MYO18B: variants seen among roughly 807,000 people sequenced by gnomAD.
The protein encoded by MYO18B is unconventional myosin-XVIIIb.
A neutral mutation model predicts 273.0 loss-of-function variants in MYO18B; 204 were observed. The observed-to-expected ratio is 0.75, with a 90% CI of 0.67 to 0.84. MYO18B has a LOEUF of 0.84. Among genes scored for constraint, MYO18B ranks in the 40% least tolerant of loss-of-function variants. The pLI is 0.00. For synonymous variants in MYO18B, 1,330 were observed against 1,305.7 expected, an observed-to-expected ratio of 1.02 and a Z score of -0.40; for missense variants, 3,212 against 3,287.6, an observed-to-expected ratio of 0.98 and a Z score of 0.56.
intron 22 of MYO18B, 90 bp from the exon 23 acceptor site, chr22:25,874,196 A>G: frequency 6.6e-7 from 1 of 1,505,530 alleles, no homozygotes; most frequent in African/African-American, 1.4e-5. Flanking sequence ...AGGTGGGTGC[A>G]AGAGAAGTGG....
At chr22:26,003,531 C>A (rs1026556207) in intron 41 of MYO18B, among the ~76,000 whole-genome samples, 1 of 152,194 alleles carries the variant, frequency 6.6e-6, no homozygotes, top group East Asian at 1.9e-4. Context: ...TGCTACTGTC[C>A]TCAGACACCT....
At chr22:26,038,005 A>C in the MYO18B span, among the ~76,000 whole-genome samples, 1 of 152,216 alleles carries the variant, frequency 6.6e-6, no homozygotes, top group African/African-American at 2.4e-5. Flanking sequence ...CCCAGCTGGT[A>C]CAAGTACATT....
chr22:25,961,428 GT>G (rs1482068936), intron 39 of MYO18B, among the ~76,000 whole-genome samples: 1 of 152,132 alleles, frequency 6.6e-6, no homozygotes, highest in Non-Finnish European at 1.5e-5. Context: ...GACTGCTGTA[GT>G]TTGAATGTTT....
intron 24 of MYO18B, chr22:25,876,760 A>G (rs1372618225): frequency 6.6e-6 from 1 of 152,588 alleles, no homozygotes; most frequent in Non-Finnish European, 1.5e-5. Flanking sequence ...TTTTGTTGTT[A>G]TTATTTTGCA....
At chr22:25,760,434 A>ACAAAAAAAC (rs1555883283) in intron 1 of MYO18B, among the ~76,000 whole-genome samples, 1 of 111,530 alleles carries the variant, frequency 9.0e-6, no homozygotes, top group Non-Finnish European at 1.8e-5. Flanking sequence ...AAAAAAAAAA[A>ACAAAAAAAC]CACAAAAACA....
chr22:26,019,181 A>G (rs1935612400), intron 42 of MYO18B, among the ~76,000 whole-genome samples: 1 of 152,186 alleles, frequency 6.6e-6, no homozygotes, highest in South Asian at 2.1e-4. Context: ...CATTATAGGT[A>G]GACAGACCAG....
chr22:25,768,393 G>A lies in MYO18B; in HGVS notation c.477G>A (p.Lys159=). 1.2e-6 allele frequency: 2 copies of A among 1,613,880 alleles called. No individual in the cohort carries two copies. Among genetic ancestry groups the A allele is most frequent in the Non-Finnish European group, 1.7e-6 (2 of 1,179,846 alleles). Residue 159 remains lysine, a synonymous_variant, in exon 4 of 44, where the codon AAG becomes AAA. Coordinates refer to ENST00000335473, the MANE Select transcript of MYO18B (RefSeq NM_032608.7). ...GTGATGTGTTGTTGATGGTGGCCAA[G>A]CTGGACCCGGACTCAGCCAAGCCAG... The part of the protein sequence containing the change: ...RRGDVLLMVA[K]LDPDSAKPEK...
intron 7 of MYO18B, among the ~76,000 whole-genome samples, chr22:25,774,464 C>T (rs972997010): frequency 9.9e-5 from 15 of 152,236 alleles, no homozygotes; most frequent in South Asian, 6.2e-4. Flanking sequence ...ATCAGGTCCT[C>T]ATTGGCCATC....
chr22:25,764,085 G>A (rs1208182493), intron 3 of MYO18B, among the ~76,000 whole-genome samples: 1 of 152,154 alleles, frequency 6.6e-6, no homozygotes, highest in Non-Finnish European at 1.5e-5. Context: ...ATAATTACAG[G>A]GTTAATGCTT....
At chr22:25,871,186 G>C (rs1007742070) in intron 22 of MYO18B, among the ~76,000 whole-genome samples, 1 of 152,094 alleles carries the variant, frequency 6.6e-6, no homozygotes, top group Non-Finnish European at 1.5e-5. Flanking sequence ...GGCTGACCCA[G>C]TCCACACCCA....
chr22:26,038,441 C>T, the MYO18B span, among the ~76,000 whole-genome samples: 1 of 152,138 alleles, frequency 6.6e-6, no homozygotes, highest in South Asian at 2.1e-4. Flanking sequence ...CTCAGGTTCT[C>T]TTGGTATCAT....
chr22:25,864,720 G>C (rs2090837825), intron 21 of MYO18B, among the ~76,000 whole-genome samples: 1 of 152,228 alleles, frequency 6.6e-6, no homozygotes, highest in Non-Finnish European at 1.5e-5. Context: ...ACCTGCTGCA[G>C]AAAGTTGGAA....
At position 25,921,352 on chromosome 22, in the gene MYO18B, C is replaced by G; in HGVS notation, c.5460C>G (p.Thr1820=). The G allele has an allele frequency of 1.9e-6, 3 of 1,593,860 alleles. No homozygotes were observed. The highest frequency in any genetic ancestry group is 2.6e-6 in the Non-Finnish European group (3 of 1,170,254). The stretch of plus-strand genomic sequence containing the variant: ...CAGACGTGCAGCTCCTTCTGGGCAC[C>G]ATGGAGGATGGCAAGACATCAGTCA... ...LLSDVQLLLG[T]MEDGKTSVSK... The change falls in exon 34 of 44, where the codon ACC becomes ACG. Residue 1820 remains threonine (T), a synonymous_variant. Coordinates refer to ENST00000335473, the MANE Select transcript of MYO18B (RefSeq NM_032608.7).
chr22:25,981,629 C>T (rs1230242810), intron 39 of MYO18B, among the ~76,000 whole-genome samples: 1 of 152,116 alleles, frequency 6.6e-6, no homozygotes, highest in Non-Finnish European at 1.5e-5. Flanking sequence ...CCTGTAGTCC[C>T]AGGTATTCAG....
intron 11 of MYO18B, among the ~76,000 whole-genome samples, chr22:25,792,108 A>T (rs1222569078): frequency 6.6e-6 from 1 of 152,056 alleles, no homozygotes; most frequent in Admixed American, 6.6e-5. Flanking sequence ...CACCTGTGGG[A>T]TGGGTAAAGC....
chr22:25,850,042 G>T (rs1392202404), intron 20 of MYO18B, among the ~76,000 whole-genome samples: 2 of 152,158 alleles, frequency 1.3e-5, no homozygotes, highest in Non-Finnish European at 2.9e-5. Flanking sequence ...TGCCCTAAAG[G>T]AGGCTGGTAA....
At chr22:25,934,963 C>T (rs1413446366) in intron 34 of MYO18B, among the ~76,000 whole-genome samples, 2 of 152,154 alleles carry the variant, frequency 1.3e-5, no homozygotes. Flanking sequence ...TGGTGGTTTC[C>T]AGGCTCGTGT....
chr22:25,844,675 A>G (rs1329476011), intron 18 of MYO18B, among the ~76,000 whole-genome samples: 1 of 152,254 alleles, frequency 6.6e-6, no homozygotes, highest in African/African-American at 2.4e-5. Context: ...TGGCACAGCC[A>G]GGACCCAACT....
chr22:25,998,265 G>A (rs1933552400), intron 40 of MYO18B, among the ~76,000 whole-genome samples: 1 of 152,182 alleles, frequency 6.6e-6, no homozygotes, highest in Non-Finnish European at 1.5e-5. Flanking sequence ...CAGGCCTAAA[G>A]TATGCTCATT....
Sources: gnomAD v4.1 joint callset for allele counts (sites outside exome capture counted in the v4.1 genomes callset) on GRCh38, gnomAD v4.1.1 for gene constraint, MANE v1.5 for transcripts, NCBI Gene and HGNC (gene_info 2026-07-23, HGNC 2026-07-21) for gene names.